The following FYN variants were observed in gnomAD, a reference collection of about 807,000 sequenced individuals.
FYN encodes the protein FYN proto-oncogene, Src family tyrosine kinase, also known as tyrosine-protein kinase Fyn.
FYN carries 10 observed loss-of-function variants against 70.2 expected under a neutral mutation model. The observed-to-expected ratio is 0.14, with a 90% CI of 0.09 to 0.24. FYN has a LOEUF of 0.24. Among genes scored for constraint, FYN ranks in the 10% least tolerant of loss-of-function variants. The pLI, the probability that FYN is intolerant of heterozygous loss-of-function variation, is 1.00. For missense variants in FYN, 319 were observed against 673.1 expected (o/e 0.47, Z 5.82); for synonymous variants, 236 against 248.6 (o/e 0.95, Z 0.48).
intron 2 of FYN, among the ~76,000 whole-genome samples, chr6:111,824,220 C>T (rs1772762989): frequency 6.6e-6 from 1 of 152,174 alleles, no homozygotes; most frequent in African/African-American, 2.4e-5. Context: ...CTTGTGATAA[C>T]ATCACTGGGT....
chr6:111,795,960 A>G (rs1771791470), intron 2 of FYN, among the ~76,000 whole-genome samples: 3 of 152,250 alleles, frequency 2.0e-5, no homozygotes, highest in South Asian at 4.1e-4. Context: ...ATAATAGCTA[A>G]CATTTACTAA....
chr6:111,804,446 G>A (rs745722778), intron 2 of FYN, among the ~76,000 whole-genome samples: 1 of 152,144 alleles, frequency 6.6e-6, no homozygotes, highest in Non-Finnish European at 1.5e-5. Context: ...GTTCCACACA[G>A]GAATAGGATG....
chr6:111,814,700 T>G (rs896419938), intron 2 of FYN, among the ~76,000 whole-genome samples: 1 of 152,224 alleles, frequency 6.6e-6, no homozygotes. Flanking sequence ...TAAAAATATC[T>G]ATTTGGTCTG....
At chr6:111,767,754 T>C (rs774515494) in intron 3 of FYN, among the ~76,000 whole-genome samples, 4 of 152,188 alleles carry the variant, frequency 2.6e-5, no homozygotes, top group African/African-American at 4.8e-5. Flanking sequence ...TTGTGGCTAA[T>C]GGTTTGTTAG....
chr6:111,767,781 C>T (rs1803292036), intron 3 of FYN, among the ~76,000 whole-genome samples: 1 of 152,166 alleles, frequency 6.6e-6, no homozygotes, highest in African/African-American at 2.4e-5. Flanking sequence ...GACAAAACTG[C>T]TAAAAGCATC....
chr6:111,850,364 T>A (rs1044862856), intron 1 of FYN, among the ~76,000 whole-genome samples: 2 of 152,242 alleles, frequency 1.3e-5, no homozygotes, highest in African/African-American at 2.4e-5. Context: ...CCAAAAAACA[T>A]CTGTACATTG....
intron 2 of FYN, among the ~76,000 whole-genome samples, chr6:111,818,338 CA>C: frequency 6.6e-6 from 1 of 152,274 alleles, no homozygotes; most frequent in South Asian, 2.1e-4. Flanking sequence ...ACACCCAACA[CA>C]CAAAGCATTT....
At chr6:111,849,976 C>T (rs886092356) in intron 1 of FYN, among the ~76,000 whole-genome samples, 12 of 152,208 alleles carry the variant, frequency 7.9e-5, no homozygotes, top group African/African-American at 1.9e-4. Flanking sequence ...AGCATGGTAC[C>T]TGCAAGATAC....
At chr6:111,767,220 C>G (rs761090576) in intron 3 of FYN, among the ~76,000 whole-genome samples, 2 of 152,080 alleles carry the variant, frequency 1.3e-5, no homozygotes, top group Non-Finnish European at 2.9e-5. Context: ...TCTTCTAAAA[C>G]TTCAGGTATA....
At chr6:111,687,066 TA>T (rs1248407494) in intron 12 of FYN, among the ~76,000 whole-genome samples, 3 of 152,230 alleles carry the variant, frequency 2.0e-5, no homozygotes, top group African/African-American at 7.2e-5. Context: ...AAAATCTGAT[TA>T]TATTTAATTA....
intron 2 of FYN, among the ~76,000 whole-genome samples, chr6:111,832,742 C>T (rs996695131): frequency 1.4e-4 from 22 of 151,964 alleles, no homozygotes; most frequent in African/African-American, 4.6e-4. Flanking sequence ...TCCAGAATAC[C>T]ATGCTGCCTT....
chr6:111,825,209 G>C (rs528861226), intron 2 of FYN, among the ~76,000 whole-genome samples: 10 of 152,312 alleles, frequency 6.6e-5, no homozygotes, highest in Non-Finnish European at 1.5e-4. Context: ...CCCTTTGTGG[G>C]AGGCACCCTC....
At chr6:111,769,044 A>G (rs1803338185) in intron 3 of FYN, among the ~76,000 whole-genome samples, 1 of 152,190 alleles carries the variant, frequency 6.6e-6, no homozygotes, top group South Asian at 2.1e-4. Context: ...CTAATTCCAA[A>G]TGCAACCCCA....
At chr6:111,725,071 T>A (rs911816867) in intron 3 of FYN, among the ~76,000 whole-genome samples, 1 of 152,114 alleles carries the variant, frequency 6.6e-6, no homozygotes, top group Non-Finnish European at 1.5e-5. Context: ...AGGAAAAGGA[T>A]AAGATGTGGC....
intron 2 of FYN, among the ~76,000 whole-genome samples, chr6:111,817,536 A>G (rs193000544): frequency 6.6e-6 from 1 of 152,226 alleles, no homozygotes; most frequent in Admixed American, 6.5e-5. Context: ...CATGCATGCT[A>G]TTTCACTGGT....
At chr6:111,760,385 G>A (rs958819499) in intron 3 of FYN, among the ~76,000 whole-genome samples, 1 of 152,138 alleles carries the variant, frequency 6.6e-6, no homozygotes, top group Non-Finnish European at 1.5e-5. Flanking sequence ...GCTCCTCGCA[G>A]CTGTAGAGAA....
At chr6:111,707,859 C>T (rs1800170776) in intron 6 of FYN, 63 bp downstream of exon 6, 2 of 1,279,604 alleles carry the variant, frequency 1.6e-6, no homozygotes, top group South Asian at 2.4e-5. Flanking sequence ...ATGCTGATGG[C>T]ATTTTATTGC....
intron 3 of FYN, among the ~76,000 whole-genome samples, chr6:111,733,817 G>A (rs1005599806): frequency 3.3e-5 from 5 of 152,228 alleles, no homozygotes; most frequent in Non-Finnish European, 5.9e-5. Context: ...GCCAGGCACG[G>A]TGGCTCATGC....
intron 2 of FYN, chr6:111,844,650 G>A (rs774100128): frequency 6.6e-6 from 1 of 152,198 alleles, no homozygotes; most frequent in African/African-American, 2.4e-5. Context: ...ATTTCTACCC[G>A]TTTAGCTTCT....
Sources: gnomAD v4.1 joint callset for allele counts (sites outside exome capture counted in the v4.1 genomes callset) on GRCh38, gnomAD v4.1.1 for gene constraint, MANE v1.5 for transcripts, NCBI Gene and HGNC (gene_info 2026-07-23, HGNC 2026-07-21) for gene names.